CCL13: variants seen among roughly 807,000 people sequenced by gnomAD.
CCL13 encodes the protein C-C motif chemokine ligand 13, also known as C-C motif chemokine 13.
CCL13 carries 5 observed loss-of-function variants against 6.6 expected under a neutral mutation model. That is an observed-to-expected ratio of 0.76 (90% CI 0.40 to 1.60). The LOEUF is 1.60. CCL13 is among the 40% of genes most tolerant of loss of function. CCL13 has a pLI of 0.02. For missense variants in CCL13, 117 were observed against 114.2 expected (o/e 1.02, Z -0.11); for synonymous variants, 39 against 43.0 (o/e 0.91, Z 0.37).
rs764140711 is a variant in CCL13, at chr17:34,358,140, A to G, written c.*9A>G. 6 of 1,589,090 alleles carry G rather than the reference A, an allele frequency of 3.8e-6. No individual in the cohort carries two copies. In the South Asian group the frequency reaches 6.6e-5, roughly 18 times the overall value. On this transcript the variant is annotated 3_prime_UTR_variant, in exon 3 of 3. Transcript: ENST00000225844. ...ACACCCTGAAGACTTGAACTCTGCT[A>G]CCCCTACTGAAATCAAGCTGGAGTA...
rs1220597651 is a variant in CCL13 at position 34,358,035 on chromosome 17, C to G, written c.201C>G (p.Thr67=). 3.7e-6 allele frequency: 6 copies of G among 1,612,316 alleles called. No homozygotes were observed. In the Admixed American group the frequency reaches 8.4e-5, roughly 22 times the overall value. The part of the protein sequence containing the change: ...RCPQKAVIFR[T]KLGKEICADP... The stretch of plus-strand genomic sequence containing the variant: ...TCTCCTTCCTCCACAGCTTCAGAAC[C>G]AAACTGGGCAAGGAGATCTGTGCTG... The change falls in exon 3 of 3, where the codon ACC becomes ACG. Residue 67 remains threonine (T), a synonymous_variant. Coordinates refer to ENST00000225844, the MANE Select transcript of CCL13 (RefSeq NM_005408.3).
chr17:34,357,648 A>C, intron 2 of CCL13, 59 bp downstream of exon 2: 2 of 1,015,540 alleles, frequency 2.0e-6, no homozygotes, highest in Non-Finnish European at 3.1e-6. Context: ...CCCCAATCCA[A>C]AGTTCTGCCC....
Position 34,358,223 on chromosome 17 carries a change from T to C in CCL13, c.*92T>C. 1.2e-6 allele frequency: 1 copy of C among 822,626 alleles called. No homozygotes were observed. Among genetic ancestry groups the C allele is most frequent in the South Asian group, 1.5e-5 (1 of 65,204 alleles). The allele number at this position is 822,626 out of a possible 1,614,324, so 51.0% of individuals were successfully genotyped here. On this transcript the variant is annotated 3_prime_UTR_variant, in exon 3 of 3. Transcript: ENST00000225844. Reference sequence around the variant, plus strand: ...CCTCTTCTATGCTTTGGAATACTTCTACCATAATTTTCAAATAGGATGCAT... The same window carrying C: ...CCTCTTCTATGCTTTGGAATACTTCCACCATAATTTTCAAATAGGATGCAT...
In CCL13 at chr17:34,358,565, G is replaced by T. The variant is rs185659231; in HGVS notation, c.*434G>T. The T allele has an allele frequency of 1.0e-3, 229 of 223,646 alleles. 3 individuals carry two copies. Among genetic ancestry groups the T allele is most frequent in the Non-Finnish European group, 1.1e-3 (123 of 114,612 alleles). 13.9% of individuals were successfully genotyped at this position (223,646 alleles called of 1,614,324 possible). ...TGTGGAAAGATGAATGCAATAGTAG[G>T]ACTGCTGACATTTTGCAGAAAATAC... On this transcript the variant is annotated 3_prime_UTR_variant, in exon 3 of 3. Coordinates refer to ENST00000225844, the MANE Select transcript of CCL13 (RefSeq NM_005408.3).
chr17:34,357,631 C>G, intron 2 of CCL13, 42 bp downstream of exon 2: 1 of 1,166,822 alleles, frequency 8.6e-7, no homozygotes, highest in Non-Finnish European at 1.3e-6. Flanking sequence ...CTCCCCACTC[C>G]CACATTCCCC....
intron 2 of CCL13, 88 bp downstream of exon 2, chr17:34,357,677 C>A: frequency 1.2e-6 from 1 of 814,666 alleles, no homozygotes; most frequent in Non-Finnish European, 2.1e-6. Flanking sequence ...AGACGTCAGA[C>A]TGACTTGAGA....
chr17:34,357,972 G>A (rs2072069), intron 2 of CCL13, 54 bp from the exon 3 acceptor site: 676,094 of 1,306,394 alleles, frequency 0.52, 178,665 homozygotes, highest in Middle Eastern at 0.57. Flanking sequence ...GTCATCTCCT[G>A]GGTAAACCCT....
rs1399408848 is a variant in CCL13 at position 34,357,565 on chromosome 17, G to T, written c.167G>T (p.Ser56Ile). 1 of 1,612,242 alleles carries T rather than the reference G, an allele frequency of 6.2e-7. No homozygotes were observed. The highest frequency in any genetic ancestry group is 8.5e-7 in the Non-Finnish European group (1 of 1,178,358). The change falls in exon 2 of 3, where the codon AGC becomes ATC. Residue 56 changes from serine to isoleucine, a missense_variant. By Grantham distance (142) the Ser-to-Ile change is moderately radical. Coordinates refer to ENST00000225844, the MANE Select transcript of CCL13 (RefSeq NM_005408.3). ...CTGAAGAGCTATGTGATCACCACCA[G>T]CAGGTGTCCCCAGAAGGCTGTCATG... ...QRLKSYVITT[S>I]RCPQKAVIFR...
rs1269397881 is a variant in CCL13, at chr17:34,358,404, A to G, written c.*273A>G. 9.9e-6 allele frequency: 4 copies of G among 403,690 alleles called. No homozygotes were observed. The highest frequency in any genetic ancestry group is 8.5e-5 in the Admixed American group (2 of 23,622). The allele number at this position is 403,690 out of a possible 1,614,324, so 25.0% of individuals were successfully genotyped here. ...TCTCTAAGCCCCCTTCCCTTCCACT[A>G]TGAGCTGCTGGCAGTGGGTTTGTAT... On this transcript the variant is annotated 3_prime_UTR_variant, in exon 3 of 3. Transcript: ENST00000225844.
Position 34,358,178 on chromosome 17 carries a change from T to G in CCL13, c.*47T>G, listed in dbSNP as rs1910404277. Reference sequence around the variant, plus strand: ...TCAAGCTGGAGTACGTGAAATGACTTTTCCATTCTCCTCTGGCCTCCTCTT... The same window carrying G: ...TCAAGCTGGAGTACGTGAAATGACTGTTCCATTCTCCTCTGGCCTCCTCTT... On this transcript the variant is annotated 3_prime_UTR_variant, in exon 3 of 3. Coordinates refer to ENST00000225844, the MANE Select transcript of CCL13 (RefSeq NM_005408.3). 2.3e-6 allele frequency: 3 copies of G among 1,311,112 alleles called. No homozygotes were observed. Among genetic ancestry groups the G allele is most frequent in the African/African-American group, 2.9e-5 (2 of 68,988 alleles). The allele number at this position is 1,311,112 out of a possible 1,614,324, so 81.2% of individuals were successfully genotyped here. A position where few individuals can be genotyped will look rare whatever the true frequency, so the allele number is the denominator to read the frequency against.
At chr17:34,356,823 C>T (rs542358524) in intron 1 of CCL13, among the ~76,000 whole-genome samples, 12 of 152,086 alleles carry the variant, frequency 7.9e-5, no homozygotes, top group Middle Eastern at 3.2e-3. Flanking sequence ...TACAGGCACC[C>T]GCCATCACGT....
intron 2 of CCL13, 33 bp from the exon 3 acceptor site, chr17:34,357,993 C>T (rs1910396758): frequency 3.4e-6 from 5 of 1,489,434 alleles, no homozygotes; most frequent in African/African-American, 1.4e-5. Flanking sequence ...CAAAGGGTTC[C>T]ATCTAACTGT....
At chr17:34,357,232 C>G (rs1344764387) in intron 1 of CCL13, among the ~76,000 whole-genome samples, 1 of 152,098 alleles carries the variant, frequency 6.6e-6, no homozygotes, top group African/African-American at 2.4e-5. Flanking sequence ...CTGGCCTTGC[C>G]CGTGGCCTCC....
At chr17:34,356,756 C>A (rs1182805294) in intron 1 of CCL13, among the ~76,000 whole-genome samples, 154 bp downstream of exon 1, 2 of 152,098 alleles carry the variant, frequency 1.3e-5, no homozygotes, top group African/African-American at 2.4e-5. Flanking sequence ...CTCATTGCAA[C>A]CTTCACCTCC....
intron 1 of CCL13, among the ~76,000 whole-genome samples, chr17:34,357,170 T>G (rs1167924395): frequency 2.0e-5 from 3 of 152,170 alleles, no homozygotes; most frequent in African/African-American, 4.8e-5. Context: ...TTTGACCTCA[T>G]CTGATCGTCC....
rs1262019255 is a variant in CCL13 at position 34,357,475 on chromosome 17, A to G, written c.77A>G (p.Asp26Gly). Residue 26 changes from aspartate to glycine, a missense_variant and splice_region_variant, in exon 2 of 3, where the codon GAT (aspartate) becomes GGT (glycine). Asp to Gly is a moderately conservative substitution (Grantham distance 94). Transcript: ENST00000225844. ...TCTTTTTCTTTGTAACTATTTCTAG[A>G]TGCACTCAACGTCCCATCTACTTGC... ...AFNPQGLAQPDALNVPSTCCF... is the reference protein window; with the variant it reads ...AFNPQGLAQPGALNVPSTCCF... The G allele has an allele frequency of 3.7e-6, 6 of 1,600,564 alleles. No homozygotes were observed. In the African/African-American group the frequency reaches 6.7e-5, roughly 18 times the overall value.
chr17:34,356,821 C>T, intron 1 of CCL13, among the ~76,000 whole-genome samples: 1 of 152,104 alleles, frequency 6.6e-6, no homozygotes, highest in East Asian at 1.9e-4. Context: ...ATTACAGGCA[C>T]CCGCCATCAC....
At position 34,358,428 on chromosome 17, in the gene CCL13, A is replaced by C. The variant is rs75348820; in HGVS notation, c.*297A>C. On this transcript the variant is annotated 3_prime_UTR_variant, in exon 3 of 3. Coordinates refer to ENST00000225844, the MANE Select transcript of CCL13 (RefSeq NM_005408.3). ...TATGAGCTGCTGGCAGTGGGTTTGT[A>C]TTCGGTTCCCAGGGGTTGAGAGCAT... The C allele has an allele frequency of 9.6e-3, 3,704 of 384,320 alleles. 93 individuals are homozygous for C. The highest frequency in any genetic ancestry group is 0.055 in the African/African-American group (2,604 of 47,244). The allele number at this position is 384,320 out of a possible 1,614,324, so 23.8% of individuals were successfully genotyped here.
chr17:34,356,703 C>G, intron 1 of CCL13, 101 bp downstream of exon 1: 1 of 785,698 alleles, frequency 1.3e-6, no homozygotes, highest in Non-Finnish European at 2.2e-6. Context: ...TAGATTGAGT[C>G]TCATTATGTT....
Sources: allele counts gnomAD v4.1 joint callset (sites outside exome capture counted in the v4.1 genomes callset), GRCh38; gene constraint gnomAD v4.1.1; transcripts MANE v1.5; gene names NCBI Gene and HGNC (gene_info 2026-07-23, HGNC 2026-07-21).